DNAAF11: variants seen among roughly 807,000 people sequenced by gnomAD.
DNAAF11 encodes the protein dynein axonemal assembly factor 11.
In DNAAF11, 45 loss-of-function variants were observed where a neutral mutation model predicts 60.8. The observed-to-expected ratio is 0.74, with a 90% confidence interval of 0.58 to 0.95. The LOEUF (loss-of-function observed/expected upper bound fraction) is 0.95. Ranked by LOEUF, DNAAF11 falls within the 40% of genes least tolerant of loss-of-function variation. The pLI, the probability that DNAAF11 is intolerant of heterozygous loss-of-function variation, is 0.00. For synonymous variants in DNAAF11, 191 were observed against 183.5 expected, an observed-to-expected ratio of 1.04 and a Z score of -0.33; for missense variants, 546 against 546.2, an observed-to-expected ratio of 1.00 and a Z score of 0.00.
At chr8:132,589,846 A>ATTTT (rs2131062863) in intron 10 of DNAAF11, among the ~76,000 whole-genome samples, 1 of 152,342 alleles carries the variant, frequency 6.6e-6, no homozygotes, top group East Asian at 1.9e-4. Flanking sequence ...TCCTCTTAAA[A>ATTTT]GGGGTCATTT....
the DNAAF11 span, among the ~76,000 whole-genome samples, chr8:132,693,660 G>A: frequency 6.6e-6 from 1 of 151,962 alleles, no homozygotes; most frequent in Non-Finnish European, 1.5e-5. Flanking sequence ...CTATTGGGGT[G>A]GGGGAAAGCA....
chr8:132,659,287 A>G (rs112920403), intron 2 of DNAAF11, among the ~76,000 whole-genome samples: 7 of 152,352 alleles, frequency 4.6e-5, no homozygotes, highest in African/African-American at 1.7e-4. Flanking sequence ...GCACAAGAGC[A>G]AGTCTGAATC....
At chr8:132,583,807 G>GGAGTAATGCACCACT in intron 10 of DNAAF11, 28 bp from the exon 11 acceptor site, 1 of 1,448,868 alleles carries the variant, frequency 6.9e-7, no homozygotes, top group Non-Finnish European at 9.7e-7. Flanking sequence ...CACACACCAA[G>GGAGTAATGCACCACT]TGGTGCATTA....
At chr8:132,587,193 A>G (rs1815997333) in intron 10 of DNAAF11, among the ~76,000 whole-genome samples, 1 of 152,120 alleles carries the variant, frequency 6.6e-6, no homozygotes, top group Non-Finnish European at 1.5e-5. Flanking sequence ...AAATAGAATC[A>G]CAAATTTGGA....
chr8:132,585,847 AT>A lies in DNAAF11; in HGVS notation c.1141-2069del, dbSNP rs1815835707. Among the ~76,000 whole-genome samples, 5 of 152,174 alleles carry A rather than the reference AT, an allele frequency of 3.3e-5. 1 individual carries two copies. The highest frequency in any genetic ancestry group is 3.3e-4 in the Admixed American group (5 of 15,274). On this transcript the variant is annotated intron_variant, in intron 10 of 11. Coordinates refer to ENST00000620350, the MANE Select transcript of DNAAF11 (RefSeq NM_012472.6). Reference sequence around the variant, plus strand: ...TTAATTTTTTGCTGACCAATGTTATATTTGTGGATGTTACTTTGGCAGGGTA... The same window carrying A: ...TTAATTTTTTGCTGACCAATGTTATATTGTGGATGTTACTTTGGCAGGGTA...
intron 10 of DNAAF11, among the ~76,000 whole-genome samples, chr8:132,601,792 G>T (rs184106591): frequency 1.3e-5 from 2 of 152,070 alleles, no homozygotes; most frequent in East Asian, 1.9e-4. Context: ...GGAGGGTGGA[G>T]GGATAGCATT....
intron 3 of DNAAF11, among the ~76,000 whole-genome samples, chr8:132,655,445 G>T (rs1014806809): frequency 2.6e-5 from 4 of 151,894 alleles, no homozygotes; most frequent in Non-Finnish European, 4.4e-5. Context: ...ACACCTATAG[G>T]GAAAACAAAC....
At chr8:132,600,903 C>A (rs377307830) in intron 10 of DNAAF11, among the ~76,000 whole-genome samples, 31 of 152,076 alleles carry the variant, frequency 2.0e-4, no homozygotes, top group African/African-American at 4.1e-4. Flanking sequence ...CAATGGCAAC[C>A]AAAGCCAAAA....
intron 3 of DNAAF11, among the ~76,000 whole-genome samples, chr8:132,639,781 T>G (rs1041101988): frequency 1.1e-4 from 16 of 152,050 alleles, no homozygotes; most frequent in African/African-American, 3.9e-4. Flanking sequence ...ACCCATCCAT[T>G]CATCCACCCA....
At chr8:132,662,939 T>C (rs905483639) in intron 1 of DNAAF11, among the ~76,000 whole-genome samples, 18 of 152,368 alleles carry the variant, frequency 1.2e-4, no homozygotes, top group African/African-American at 3.6e-4. Flanking sequence ...ATCATTCATG[T>C]GGAGTTAGCT....
intron 3 of DNAAF11, among the ~76,000 whole-genome samples, chr8:132,641,442 C>T (rs1255037614): frequency 6.6e-6 from 1 of 152,084 alleles, no homozygotes; most frequent in Non-Finnish European, 1.5e-5. Flanking sequence ...GGAAGATTGG[C>T]TTGTTAATTA....
chr8:132,578,567 A>G lies in DNAAF11; in HGVS notation c.1226+5127T>C, dbSNP rs1048539747. 5.3e-5 allele frequency: 56 copies of G among 1,055,176 alleles called. 1 individual carries two copies. The highest frequency in any genetic ancestry group is 1.5e-4 in the Admixed American group (7 of 45,892). 65.4% of individuals were successfully genotyped at this position (1,055,176 alleles called of 1,614,324 possible). On this transcript the variant is annotated intron_variant, in intron 11 of 11. Transcript: ENST00000620350. ...ACATCATGGAAGTAAGCAAGAAAAA[A>G]GAAAATGCCTAAAATTAATCACTAA...
chr8:132,601,363 G>T (rs1817598202), intron 10 of DNAAF11, among the ~76,000 whole-genome samples: 7 of 152,048 alleles, frequency 4.6e-5, no homozygotes, highest in Admixed American at 4.6e-4. Context: ...AAGACAGTGT[G>T]GTGATTCTTC....
chr8:132,630,032 G>A (rs777491511), intron 5 of DNAAF11, among the ~76,000 whole-genome samples: 73 of 152,292 alleles, frequency 4.8e-4, no homozygotes, highest in Middle Eastern at 3.4e-3. Flanking sequence ...GTTCAGCAAG[G>A]AAAGAATCAA....
intron 6 of DNAAF11, among the ~76,000 whole-genome samples, chr8:132,623,152 G>A (rs1440497452): frequency 6.6e-6 from 1 of 152,054 alleles, no homozygotes; most frequent in East Asian, 1.9e-4. Flanking sequence ...TATATAAAAG[G>A]ATATTTCTCA....
At chr8:132,695,553 A>G in the DNAAF11 span, among the ~76,000 whole-genome samples, 1 of 152,196 alleles carries the variant, frequency 6.6e-6, no homozygotes, top group Non-Finnish European at 1.5e-5. Flanking sequence ...TCAGTAAAAT[A>G]GAAACGAAGG....
chr8:132,625,587 G>C (rs562207911), intron 5 of DNAAF11, 133 bp from the exon 6 acceptor site: 5 of 714,042 alleles, frequency 7.0e-6, no homozygotes, highest in Admixed American at 6.6e-5. Flanking sequence ...GACTCTGAAA[G>C]ACAGTTTAAC....
At chr8:132,692,461 G>A in the DNAAF11 span, among the ~76,000 whole-genome samples, 2 of 152,170 alleles carry the variant, frequency 1.3e-5, no homozygotes, top group Admixed American at 1.3e-4. Context: ...TTCCAAGCTG[G>A]CCAACCTGCA....
chr8:132,619,607 G>T (rs903924826), intron 7 of DNAAF11, among the ~76,000 whole-genome samples: 1 of 152,160 alleles, frequency 6.6e-6, no homozygotes, highest in Non-Finnish European at 1.5e-5. Flanking sequence ...TTTCAAGAAG[G>T]AATATGAAGT....
Sources: allele counts gnomAD v4.1 joint callset (sites outside exome capture counted in the v4.1 genomes callset), GRCh38; gene constraint gnomAD v4.1.1; transcripts MANE v1.5; gene names NCBI Gene and HGNC (gene_info 2026-07-23, HGNC 2026-07-21).